The following TM2D1 variants were observed in gnomAD, a reference collection of about 807,000 sequenced individuals.
TM2D1 encodes TM2 domain-containing protein 1.
TM2D1 carries 15 observed loss-of-function variants against 28.4 expected under a neutral mutation model. The ratio of observed to expected loss-of-function variants is 0.53; its 90% CI spans 0.35 to 0.81. The LOEUF is 0.81. Ranked by LOEUF, TM2D1 falls within the 40% of genes least tolerant of loss-of-function variation. TM2D1 has a pLI of 0.01. For missense variants in TM2D1, 236 were observed against 254.9 expected, an observed-to-expected ratio of 0.93 and a Z score of 0.50; for synonymous variants, 93 against 96.2, an observed-to-expected ratio of 0.97 and a Z score of 0.20.
At chr1:61,706,627 G>A (rs951683151) in intron 3 of TM2D1, among the ~76,000 whole-genome samples, 13 of 150,860 alleles carry the variant, frequency 8.6e-5, no homozygotes, top group African/African-American at 3.2e-4. Flanking sequence ...TGACAAACAT[G>A]GAGAAACCCC....
chr1:61,720,949 G>A (rs1644559017), intron 2 of TM2D1, among the ~76,000 whole-genome samples: 1 of 151,912 alleles, frequency 6.6e-6, no homozygotes, highest in South Asian at 2.1e-4. Flanking sequence ...AGCCAGGTGT[G>A]GTGGCTCATG....
chr1:61,710,461 T>TAC (rs1197859965), intron 2 of TM2D1, among the ~76,000 whole-genome samples: 1 of 97,084 alleles, frequency 1.0e-5, no homozygotes, highest in Non-Finnish European at 1.9e-5. Context: ...TATATATATA[T>TAC]ACATATATAT....
At position 61,724,819 on chromosome 1, in the gene TM2D1, A is replaced by T. The variant is rs554138305; in HGVS notation, c.164+138T>A. On this transcript the variant is annotated intron_variant, in intron 1 of 6. Coordinates refer to ENST00000606498, the MANE Select transcript of TM2D1 (RefSeq NM_032027.3). ...TCCACAACTCTGTTCACCTTCAGGGATCCTTCAGTCATTAGAAGCCACAGA... is the reference window on the plus strand; with the variant it reads ...TCCACAACTCTGTTCACCTTCAGGGTTCCTTCAGTCATTAGAAGCCACAGA... 2.8e-5 allele frequency: 27 copies of T among 968,024 alleles called. No homozygotes were observed. In the South Asian group the frequency reaches 6.3e-4, roughly 23 times the overall value. The allele number at this position is 968,024 out of a possible 1,614,324, so 60.0% of individuals were successfully genotyped here.
chr1:61,713,320 T>C (rs1015229532), intron 2 of TM2D1, among the ~76,000 whole-genome samples: 6 of 150,190 alleles, frequency 4.0e-5, no homozygotes, highest in African/African-American at 1.5e-4. Context: ...CTATCAAAAA[T>C]ACAAAAAATT....
chr1:61,712,381 T>A (rs1254106294), intron 2 of TM2D1, among the ~76,000 whole-genome samples: 2 of 152,210 alleles, frequency 1.3e-5, no homozygotes, highest in Non-Finnish European at 2.9e-5. Flanking sequence ...CAACATGAAT[T>A]TAAATGGTTG....
At chr1:61,700,894 T>C (rs778726118) in intron 4 of TM2D1, 40 bp downstream of exon 4, 10 of 1,450,714 alleles carry the variant, frequency 6.9e-6, no homozygotes, top group Middle Eastern at 1.8e-4. Flanking sequence ...AACTAAAATA[T>C]AGGTTTCATA....
intron 4 of TM2D1, chr1:61,697,968 T>C (rs887376747): frequency 5.3e-5 from 8 of 152,176 alleles, no homozygotes; most frequent in Non-Finnish European, 1.0e-4. Context: ...CCTAAGAAAG[T>C]GTTCTGTAGC....
intron 2 of TM2D1, among the ~76,000 whole-genome samples, chr1:61,722,315 G>A (rs1644573844): frequency 6.6e-6 from 1 of 151,974 alleles, no homozygotes; most frequent in South Asian, 2.1e-4. Flanking sequence ...CCTTATAGAG[G>A]AGATATTGCT....
At chr1:61,703,892 G>A (rs1170874914) in intron 3 of TM2D1, among the ~76,000 whole-genome samples, 1 of 151,216 alleles carries the variant, frequency 6.6e-6, no homozygotes, top group Admixed American at 6.6e-5. Flanking sequence ...GAGTAGCTGG[G>A]ATTACAGGCA....
At chr1:61,683,589 T>C (rs2148030506) in intron 5 of TM2D1, 43 bp from the exon 6 acceptor site, 1 of 935,732 alleles carries the variant, frequency 1.1e-6, no homozygotes. Flanking sequence ...TTACAAAAGA[T>C]ATTTCACAGC....
intron 5 of TM2D1, among the ~76,000 whole-genome samples, chr1:61,685,044 A>T (rs1376934917): frequency 6.6e-6 from 1 of 152,228 alleles, no homozygotes; most frequent in Non-Finnish European, 1.5e-5. Context: ...ACATCAATTG[A>T]TCTGCCTGCT....
At position 61,687,209 on chromosome 1, in the gene TM2D1, TAA is replaced by T. The variant is rs531748324; in HGVS notation, c.514-3665_514-3664del. Among the ~76,000 whole-genome samples the T allele has an allele frequency of 2.4e-4, 37 of 152,078 alleles. No individual in the cohort carries two copies. The East Asian group carries it at 7.0e-3, about 29-fold the overall frequency. Reference sequence around the variant, plus strand: ...AAACAAAAATTTAGAACAGGCAAATTAAAAAAGACAAAAAGTATATTAGAGGT... The same window carrying T: ...AAACAAAAATTTAGAACAGGCAAATTAAAAGACAAAAAGTATATTAGAGGT... On this transcript the variant is annotated intron_variant, in intron 5 of 6. Coordinates refer to ENST00000606498, the MANE Select transcript of TM2D1 (RefSeq NM_032027.3).
At chr1:61,702,904 G>C (rs1644412695) in intron 3 of TM2D1, among the ~76,000 whole-genome samples, 1 of 151,602 alleles carries the variant, frequency 6.6e-6, no homozygotes, top group Admixed American at 6.6e-5. Flanking sequence ...CCAGGAGTTT[G>C]AGACCAGCCT....
At chr1:61,697,622 T>A (rs549848349) in intron 4 of TM2D1, 3 of 152,334 alleles carry the variant, frequency 2.0e-5, no homozygotes, top group African/African-American at 7.2e-5. Flanking sequence ...TACAATTTGA[T>A]AAATTTGACA....
intron 2 of TM2D1, among the ~76,000 whole-genome samples, chr1:61,716,380 ATTTTATAT>A (rs1644519902): frequency 6.8e-6 from 1 of 146,070 alleles, no homozygotes; most frequent in Non-Finnish European, 1.5e-5. Context: ...TAATTATATA[ATTTTATAT>A]ATAATTACAT....
Position 61,702,269 on chromosome 1 carries a change from C to T in TM2D1, c.348-1244G>A, listed in dbSNP as rs144356152. ...GTAGAACTGGTGCCATTCAATGAGA[C>T]AAAGGAGGAAAGGATTTGAAGAAAA... is the stretch of plus-strand genomic sequence containing the variant. On this transcript the variant is annotated intron_variant, in intron 3 of 6. Transcript: ENST00000606498. 2.1e-3 allele frequency among the ~76,000 whole-genome samples: 322 copies of T among 151,580 alleles called. 6 individuals are homozygous for T. The East Asian group carries it at 0.054, about 25-fold the overall frequency.
intron 2 of TM2D1, among the ~76,000 whole-genome samples, chr1:61,715,936 G>A (rs1445161080): frequency 6.6e-6 from 1 of 150,876 alleles, no homozygotes; most frequent in East Asian, 2.1e-4. Context: ...CGAGTAGCTG[G>A]GACTACAGGT....
At chr1:61,706,834 AAAAGAAAGAAAG>A (rs71050144) in intron 3 of TM2D1, among the ~76,000 whole-genome samples, 213 of 146,490 alleles carry the variant, frequency 1.5e-3, no homozygotes, top group African/African-American at 4.5e-3. Flanking sequence ...TGTCTTAAAA[AAAAGAAAGAAAG>A]AAAGAAAGAA....
At chr1:61,689,253 A>G (rs1368332657) in intron 5 of TM2D1, among the ~76,000 whole-genome samples, 3 of 152,196 alleles carry the variant, frequency 2.0e-5, no homozygotes, top group Non-Finnish European at 4.4e-5. Flanking sequence ...TTTGGTCTAA[A>G]CTGAAAAGCT....
Sources: allele counts gnomAD v4.1 joint callset (sites outside exome capture counted in the v4.1 genomes callset), GRCh38; gene constraint gnomAD v4.1.1; transcripts MANE v1.5; gene names NCBI Gene and HGNC (gene_info 2026-07-23, HGNC 2026-07-21).